GRID1: variants seen among roughly 807,000 people sequenced by gnomAD.
GRID1 encodes the protein glutamate receptor ionotropic, delta-1.
GRID1 carries 28 observed loss-of-function variants against 98.0 expected under a neutral mutation model. That is an observed-to-expected ratio of 0.29 (90% CI 0.21 to 0.39). The LOEUF (loss-of-function observed/expected upper bound fraction) is 0.39. GRID1 is among the 10% of genes least tolerant of loss of function. The pLI is 1.00. For missense variants in GRID1, 1,111 were observed against 1,340.5 expected, an observed-to-expected ratio of 0.83 and a Z score of 2.67; for synonymous variants, 553 against 538.5, an observed-to-expected ratio of 1.03 and a Z score of -0.37.
intron 8 of GRID1, among the ~76,000 whole-genome samples, chr10:85,734,943 T>TC (rs1196956872): frequency 1.3e-5 from 2 of 152,084 alleles, no homozygotes; most frequent in African/African-American, 4.8e-5. Flanking sequence ...CATGCATCCC[T>TC]CCCCCATCCT....
chr10:86,014,543 C>T (rs879748367), intron 4 of GRID1, among the ~76,000 whole-genome samples: 7 of 152,238 alleles, frequency 4.6e-5, no homozygotes, highest in Admixed American at 1.3e-4. Context: ...CTTGCCTGCA[C>T]ATTCTGGCCA....
chr10:85,862,004 C>CCACAT (rs10659937), intron 6 of GRID1, among the ~76,000 whole-genome samples: 20,700 of 152,130 alleles, frequency 0.14, 1,512 homozygotes, highest in Middle Eastern at 0.19. Flanking sequence ...TACACGTCTT[C>CCACAT]CACATCACAT....
At chr10:85,869,258 G>A in intron 5 of GRID1, 78 bp from the exon 6 acceptor site, 2 of 1,298,780 alleles carry the variant, frequency 1.5e-6, no homozygotes. Flanking sequence ...AGGCATCTAG[G>A]CCAGCAGCCT....
intron 4 of GRID1, among the ~76,000 whole-genome samples, chr10:86,122,031 G>A (rs1459457471): frequency 1.3e-5 from 2 of 152,160 alleles, no homozygotes; most frequent in East Asian, 1.9e-4. Context: ...AGAAATGGGA[G>A]CAGTGACAAC....
chr10:85,840,439 C>G (rs557134866), intron 8 of GRID1, among the ~76,000 whole-genome samples: 1 of 152,116 alleles, frequency 6.6e-6, no homozygotes, highest in African/African-American at 2.4e-5. Context: ...GACAAGGATG[C>G]GCTCTCTCAC....
intron 12 of GRID1, among the ~76,000 whole-genome samples, chr10:85,674,078 T>C (rs1841117509): frequency 6.6e-6 from 1 of 152,196 alleles, no homozygotes; most frequent in Non-Finnish European, 1.5e-5. Flanking sequence ...CTTTCTCTAC[T>C]TGACATAGTA....
intron 4 of GRID1, among the ~76,000 whole-genome samples, chr10:86,000,566 G>A (rs1842791752): frequency 6.6e-6 from 1 of 152,164 alleles, no homozygotes; most frequent in Non-Finnish European, 1.5e-5. Context: ...TATTGGTGAA[G>A]GGATAGACAA....
rs1004192607 is a variant in GRID1 at position 86,349,381 on chromosome 10, G to A, written c.235+14560C>T. On this transcript the variant is annotated intron_variant, in intron 2 of 15. Transcript: ENST00000327946. ...GGGTGAGCTTCTATTTCTTCTGCAC[G>A]ACTTCTCCACTCACCCCCAACTACC... 5.9e-5 allele frequency among the ~76,000 whole-genome samples: 9 copies of A among 152,288 alleles called. No individual in the cohort carries two copies. In the East Asian group the frequency reaches 1.2e-3, roughly 20 times the overall value.
chr10:85,787,565 G>T (rs950383177), intron 8 of GRID1, among the ~76,000 whole-genome samples: 2 of 152,110 alleles, frequency 1.3e-5, no homozygotes, highest in Non-Finnish European at 2.9e-5. Context: ...GGCTGATGTC[G>T]TGGGTGTCTC....
chr10:86,315,704 T>C (rs1232048827), intron 2 of GRID1, among the ~76,000 whole-genome samples: 1 of 151,772 alleles, frequency 6.6e-6, no homozygotes, highest in Non-Finnish European at 1.5e-5. Context: ...TGCCCCCATA[T>C]TTTCCTTCAG....
At chr10:86,362,943 C>T (rs758537302) in intron 2 of GRID1, among the ~76,000 whole-genome samples, 9 of 152,274 alleles carry the variant, frequency 5.9e-5, no homozygotes, top group Non-Finnish European at 1.2e-4. Context: ...CATCCTGCGC[C>T]ACTAACTTGC....
intron 2 of GRID1, among the ~76,000 whole-genome samples, chr10:86,341,758 A>G (rs959455308): frequency 1.5e-4 from 23 of 152,246 alleles, no homozygotes; most frequent in African/African-American, 5.1e-4. Context: ...CTGCCCAGAG[A>G]GGGGCCCTGG....
intron 4 of GRID1, among the ~76,000 whole-genome samples, chr10:86,056,870 C>T (rs1843581034): frequency 6.6e-6 from 1 of 152,200 alleles, no homozygotes; most frequent in Non-Finnish European, 1.5e-5. Context: ...GGGCCTCGGG[C>T]CCATCTGCAG....
At chr10:85,709,398 A>G (rs1264164131) in intron 12 of GRID1, among the ~76,000 whole-genome samples, 1 of 152,274 alleles carries the variant, frequency 6.6e-6, no homozygotes, top group Non-Finnish European at 1.5e-5. Context: ...TATGGGGTAT[A>G]TTAAGCATTC....
intron 8 of GRID1, among the ~76,000 whole-genome samples, chr10:85,732,991 C>T (rs569674910): frequency 7.1e-4 from 108 of 152,240 alleles, no homozygotes; most frequent in African/African-American, 2.6e-3. Context: ...CTGGTAAACT[C>T]TTACTTGTTT....
chr10:85,962,272 C>A (rs540380378), intron 4 of GRID1, among the ~76,000 whole-genome samples: 35 of 152,318 alleles, frequency 2.3e-4, no homozygotes, highest in African/African-American at 8.2e-4. Context: ...CTCTCCCCTA[C>A]AAAGTTGCTT....
At chr10:85,653,690 T>C (rs956346928) in intron 12 of GRID1, among the ~76,000 whole-genome samples, 3 of 152,176 alleles carry the variant, frequency 2.0e-5, no homozygotes, top group African/African-American at 7.2e-5. Context: ...TCTTGATGAA[T>C]GGATTAACCC....
intron 2 of GRID1, among the ~76,000 whole-genome samples, chr10:86,331,022 C>G (rs1366207159): frequency 6.6e-6 from 1 of 152,232 alleles, no homozygotes; most frequent in Non-Finnish European, 1.5e-5. Context: ...TCCCCAGGAA[C>G]ACCATGAGAG....
At chr10:85,671,858 A>G (rs1000411430) in intron 12 of GRID1, among the ~76,000 whole-genome samples, 3 of 152,264 alleles carry the variant, frequency 2.0e-5, no homozygotes, top group African/African-American at 7.2e-5. Flanking sequence ...AGAAAGTTTT[A>G]GTGGTCTGAA....
Sources: allele counts gnomAD v4.1 joint callset (sites outside exome capture counted in the v4.1 genomes callset), GRCh38; gene constraint gnomAD v4.1.1; transcripts MANE v1.5; gene names NCBI Gene and HGNC (gene_info 2026-07-23, HGNC 2026-07-21).